TMCO6: variants seen among roughly 807,000 people sequenced by gnomAD.
TMCO6 encodes transmembrane and coiled-coil domain-containing protein 6.
Under a neutral mutation model 61.8 loss-of-function variants are expected in TMCO6, and 47 were observed. That is an observed-to-expected ratio of 0.76 (90% CI 0.60 to 0.97). The LOEUF is 0.97. Among genes scored for constraint, TMCO6 ranks in the 50% least tolerant of loss-of-function variants. The pLI is 0.00. For missense variants in TMCO6, 557 were observed against 601.6 expected (o/e 0.93, Z 0.78); for synonymous variants, 261 against 254.2 (o/e 1.03, Z -0.25).
Position 140,639,843 on chromosome 5 carries a change from G to A in TMCO6, c.190G>A (p.Glu64Lys), listed in dbSNP as rs1457614628. ...GEGCVAAILG[E>K]TEVQQFLRQA... ...GGGATGTGTGGCTGCGATCCTCGGG[G>A]AAACCGAGGTGAGGGGGCAAGGTAG... is the stretch of plus-strand genomic sequence containing the variant. The change falls in exon 2 of 12, where the codon GAA becomes AAA. Residue 64 changes from glutamate (E) to lysine (K), a missense_variant. Glu to Lys is a moderately conservative substitution (Grantham distance 56). Coordinates refer to ENST00000394671, the MANE Select transcript of TMCO6 (RefSeq NM_018502.5). 6.2e-7 allele frequency: 1 copy of A among 1,604,932 alleles called. No homozygotes were observed. Among genetic ancestry groups the A allele is most frequent in the Non-Finnish European group, 8.5e-7 (1 of 1,176,646 alleles).
chr5:140,636,111 G>C (rs572865376), upstream of TMCO6, among the ~76,000 whole-genome samples: 27 of 152,300 alleles, frequency 1.8e-4, no homozygotes, highest in South Asian at 5.6e-3. Context: ...CGAGTCTCCT[G>C]CCTCAGTCTC....
At chr5:140,641,620 C>A in intron 2 of TMCO6, 45 bp from the exon 3 acceptor site, 1 of 1,566,130 alleles carries the variant, frequency 6.4e-7, no homozygotes, top group Non-Finnish European at 8.8e-7. Flanking sequence ...TTAGGACTTG[C>A]TTTCTGTGAA....
chr5:140,637,231 G>C (rs1447736752), upstream of TMCO6, among the ~76,000 whole-genome samples: 1 of 152,148 alleles, frequency 6.6e-6, no homozygotes, highest in African/African-American at 2.4e-5. Context: ...AGATTGGAGA[G>C]GTATGCAGGG....
chr5:140,614,793 T>G, the TMCO6 span, among the ~76,000 whole-genome samples: 4 of 151,978 alleles, frequency 2.6e-5, no homozygotes, highest in Non-Finnish European at 5.9e-5. Context: ...TTTTTGTATT[T>G]TTAGTAGAGA....
At chr5:140,634,863 A>G (rs1166010888), upstream of TMCO6, among the ~76,000 whole-genome samples, 1 of 151,926 alleles carries the variant, frequency 6.6e-6, no homozygotes, top group Non-Finnish European at 1.5e-5. Context: ...GCTCACTGCA[A>G]TCTCCGCCTC....
In TMCO6 at chr5:140,642,338, T is replaced by C. The variant is rs750363969; in HGVS notation, c.522T>C (p.Gly174=). The C allele has an allele frequency of 6.2e-7, 1 of 1,613,580 alleles. No individual in the cohort carries two copies. The highest frequency in any genetic ancestry group is 8.5e-7 in the Non-Finnish European group (1 of 1,179,710). The change falls in exon 5 of 12, where the codon GGT becomes GGC. Residue 174 remains glycine (G), a synonymous_variant. Transcript: ENST00000394671. ...DFIELCLYTL[G]NLIVESEAVR... ...AGGAGCTGTGTCTGTATACACTGGGTAACCTGATCGTGGAGAGTGAGGCTG... is the reference window on the plus strand; with the variant it reads ...AGGAGCTGTGTCTGTATACACTGGGCAACCTGATCGTGGAGAGTGAGGCTG...
the TMCO6 span, among the ~76,000 whole-genome samples, chr5:140,626,186 T>G: frequency 6.6e-6 from 1 of 151,894 alleles, no homozygotes; most frequent in South Asian, 2.1e-4. Context: ...AACTGCCTAC[T>G]GGACTGTCCA....
Position 140,639,483 on chromosome 5 carries a change from C to T in TMCO6, c.-45C>T. ...GTGCCATCTTCTACGCCCCTGGGAG[C>T]GTTGTGGCTGCTGTTTCCTTCGGCT... On this transcript the variant is annotated 5_prime_UTR_variant, in exon 1 of 12. Coordinates refer to ENST00000394671, the MANE Select transcript of TMCO6 (RefSeq NM_018502.5). 19 of 1,527,710 alleles carry T rather than the reference C, an allele frequency of 1.2e-5. No individual in the cohort carries two copies. The highest frequency in any genetic ancestry group is 1.7e-5 in the Non-Finnish European group (19 of 1,127,358). The allele number at this position is 1,527,710 out of a possible 1,614,324, so 94.6% of individuals were successfully genotyped here.
the TMCO6 span, among the ~76,000 whole-genome samples, chr5:140,613,070 A>T: frequency 6.6e-6 from 1 of 152,172 alleles, no homozygotes; most frequent in Admixed American, 6.5e-5. Flanking sequence ...CTGTGAAGAA[A>T]ATCATGCATG....
chr5:140,605,126 T>A, the TMCO6 span, among the ~76,000 whole-genome samples: 2,120 of 152,344 alleles, frequency 0.014, 59 homozygotes, highest in African/African-American at 0.049. Context: ...TTCTCTTAAT[T>A]TCCTTTCTGG....
At chr5:140,638,270 G>A (rs1285219274), upstream of TMCO6, among the ~76,000 whole-genome samples, 2 of 152,240 alleles carry the variant, frequency 1.3e-5, no homozygotes, top group South Asian at 2.1e-4. Context: ...ATTTTTTTAG[G>A]TAATGTGGGC....
chr5:140,639,801 C>A lies in TMCO6; in HGVS notation c.148C>A (p.Pro50Thr). 1 of 1,609,956 alleles carries A rather than the reference C, an allele frequency of 6.2e-7. No individual in the cohort carries two copies. Among genetic ancestry groups the A allele is most frequent in the South Asian group, 1.1e-5 (1 of 89,870 alleles). Reference protein sequence around the residue: ...VSKRLLRNDAPEEAGEGCVAA... With the variant: ...VSKRLLRNDATEEAGEGCVAA... Reference sequence around the variant, plus strand: ...CAAGAGGCTGCTGAGAAACGACGCCCCAGAGGAAGCTGGAGAGGGATGTGT... The same window carrying A: ...CAAGAGGCTGCTGAGAAACGACGCCACAGAGGAAGCTGGAGAGGGATGTGT... Residue 50 changes from proline to threonine, a missense_variant, in exon 2 of 12, where the codon CCA becomes ACA. Pro to Thr is a conservative substitution (Grantham distance 38, BLOSUM62 -1). Coordinates refer to ENST00000394671, the MANE Select transcript of TMCO6 (RefSeq NM_018502.5).
downstream of TMCO6, chr5:140,647,400 G>A (rs1044297835): frequency 2.5e-6 from 4 of 1,610,834 alleles, no homozygotes; most frequent in African/African-American, 1.3e-5. Flanking sequence ...TGCTGTGGGC[G>A]GGGGCTTCCC....
chr5:140,599,950 A>C, the TMCO6 span, among the ~76,000 whole-genome samples: 6 of 150,524 alleles, frequency 4.0e-5, no homozygotes, highest in African/African-American at 1.5e-4. Context: ...AAATAAAATA[A>C]AATCTGGCAG....
chr5:140,613,919 G>T, the TMCO6 span, among the ~76,000 whole-genome samples: 1 of 150,950 alleles, frequency 6.6e-6, no homozygotes, highest in Admixed American at 6.6e-5. Flanking sequence ...GTTGTTTTGA[G>T]AAGGAGTCTC....
the TMCO6 span, among the ~76,000 whole-genome samples, chr5:140,626,727 T>A: frequency 6.6e-6 from 1 of 152,228 alleles, no homozygotes; most frequent in African/African-American, 2.4e-5. Context: ...ATTTTTTGTA[T>A]GTTTAGTAGA....
At chr5:140,612,328 C>T in the TMCO6 span, among the ~76,000 whole-genome samples, 1 of 144,470 alleles carries the variant, frequency 6.9e-6, no homozygotes, top group African/African-American at 2.5e-5. Flanking sequence ...ACACAACTTG[C>T]CCAATCTTTT....
downstream of TMCO6, among the ~76,000 whole-genome samples, chr5:140,646,193 T>TA (rs1173176112): frequency 6.6e-6 from 1 of 152,052 alleles, no homozygotes; most frequent in African/African-American, 2.4e-5. Context: ...GTATGTTTAG[T>TA]AGAGACGGGG....
At chr5:140,645,437 G>A (rs1187944614), downstream of TMCO6, 1 of 1,012,506 alleles carries the variant, frequency 9.9e-7, no homozygotes, top group Non-Finnish European at 1.5e-6. Context: ...ACAGTAAGGG[G>A]TAGAGGGTAG....
Sources: gnomAD v4.1 joint callset for allele counts (sites outside exome capture counted in the v4.1 genomes callset) on GRCh38, gnomAD v4.1.1 for gene constraint, MANE v1.5 for transcripts, NCBI Gene and HGNC (gene_info 2026-07-23, HGNC 2026-07-21) for gene names.